The following ECHDC1 variants were observed in gnomAD, a reference collection of about 807,000 sequenced individuals.
ECHDC1 encodes the protein ethylmalonyl-CoA decarboxylase.
In ECHDC1, 29 loss-of-function variants were observed where a neutral mutation model predicts 29.7. The observed-to-expected ratio is 0.98, with a 90% CI of 0.73 to 1.33. The LOEUF (loss-of-function observed/expected upper bound fraction) is 1.33. ECHDC1 is among the 40% of genes most tolerant of loss of function. The probability of loss-of-function intolerance (pLI) is 0.00; values close to 1 mark genes in which losing one functional copy is unlikely to be tolerated. For missense variants in ECHDC1, 328 were observed against 350.0 expected (o/e 0.94, Z 0.50); for synonymous variants, 126 against 123.1 (o/e 1.02, Z -0.15).
chr6:127,330,758 T>C (rs1188030445), intron 2 of ECHDC1, 51 bp downstream of exon 2: 4 of 1,503,328 alleles, frequency 2.7e-6, no homozygotes, highest in East Asian at 2.3e-5. Context: ...AAACTTGTGA[T>C]AACAGTTTAG....
intron 3 of ECHDC1, among the ~76,000 whole-genome samples, chr6:127,318,466 A>G (rs534194502): frequency 6.6e-6 from 1 of 152,368 alleles, no homozygotes; most frequent in Admixed American, 6.5e-5. Context: ...CATCATCTCT[A>G]CAAGATGGGG....
chr6:127,326,599 A>G (rs1287478973), intron 3 of ECHDC1: 6 of 405,868 alleles, frequency 1.5e-5, no homozygotes, highest in Non-Finnish European at 3.0e-5. Context: ...TTATTCTAAA[A>G]TTAAAAATAT....
At chr6:127,303,554 T>C (rs993707471) in intron 5 of ECHDC1, among the ~76,000 whole-genome samples, 1 of 152,194 alleles carries the variant, frequency 6.6e-6, no homozygotes, top group Non-Finnish European at 1.5e-5. Flanking sequence ...GTAAGGAAGC[T>C]GCAGAAGAAA....
intron 4 of ECHDC1, chr6:127,316,153 C>A (rs1782353484): frequency 4.3e-6 from 2 of 463,854 alleles, no homozygotes; most frequent in African/African-American, 4.0e-5. Flanking sequence ...GCTCTAATAC[C>A]AGTATTTAAC....
At chr6:127,290,361 G>GAA in intron 5 of ECHDC1, 84 bp from the exon 6 acceptor site, 2 of 1,373,430 alleles carry the variant, frequency 1.5e-6, no homozygotes, top group South Asian at 2.9e-5. Context: ...GATCTGATGT[G>GAA]AATTCTCCAT....
chr6:127,293,191 A>C (rs1344850084), intron 5 of ECHDC1, among the ~76,000 whole-genome samples: 5 of 152,168 alleles, frequency 3.3e-5, no homozygotes, highest in Non-Finnish European at 5.9e-5. Context: ...CTTAAGTTTC[A>C]GGTCTTGAAC....
intron 5 of ECHDC1, among the ~76,000 whole-genome samples, chr6:127,314,311 G>A (rs1330608276): frequency 2.0e-5 from 3 of 152,040 alleles, no homozygotes; most frequent in African/African-American, 4.8e-5. Context: ...AGAGCTATTG[G>A]TCCCAAAGAA....
At chr6:127,291,907 C>A (rs1780227497) in intron 5 of ECHDC1, among the ~76,000 whole-genome samples, 1 of 151,736 alleles carries the variant, frequency 6.6e-6, no homozygotes, top group South Asian at 2.1e-4. Context: ...TAATAGTTTT[C>A]AAGAAATAAT....
chr6:127,330,234 T>C lies in ECHDC1; in HGVS notation c.220+575A>G, dbSNP rs143652487. Among the ~76,000 whole-genome samples the C allele has an allele frequency of 1.9e-4, 29 of 152,290 alleles. No homozygotes were observed. The East Asian group carries it at 5.6e-3, about 29-fold the overall frequency. ...GTCCTGCATCTTCAGTTCTCTTAAA[T>C]ATAAAATTCTTATATGCTAAGAGTG... On this transcript the variant is annotated intron_variant, in intron 2 of 5. Transcript: ENST00000454859.
intron 5 of ECHDC1, among the ~76,000 whole-genome samples, chr6:127,297,557 A>G (rs1023701780): frequency 6.6e-5 from 10 of 152,194 alleles, no homozygotes; most frequent in Non-Finnish European, 1.2e-4. Context: ...TAAGAAAGCA[A>G]GGCCCAACAG....
intron 5 of ECHDC1, among the ~76,000 whole-genome samples, chr6:127,290,913 T>C (rs1582918879): frequency 1.3e-5 from 2 of 152,022 alleles, no homozygotes; most frequent in Admixed American, 1.3e-4. Context: ...ATTGAGGATA[T>C]GTGTGCTGGG....
chr6:127,298,958 C>T (rs186331376), intron 5 of ECHDC1, among the ~76,000 whole-genome samples: 323 of 152,030 alleles, frequency 2.1e-3, no homozygotes, highest in African/African-American at 7.6e-3. Flanking sequence ...TCAATGCAGC[C>T]TTGACCTCCT....
At chr6:127,319,277 C>G (rs1373857628) in intron 3 of ECHDC1, among the ~76,000 whole-genome samples, 2 of 152,210 alleles carry the variant, frequency 1.3e-5, no homozygotes, top group Non-Finnish European at 2.9e-5. Flanking sequence ...TGCTTAACCT[C>G]TCTGTCCTAC....
At position 127,332,039 on chromosome 6, in the gene ECHDC1, TATATAAA is replaced by T. The variant is rs138354489; in HGVS notation, c.-2-1016_-2-1010del. Among the ~76,000 whole-genome samples the T allele has an allele frequency of 2.8e-3, 434 of 152,302 alleles. 3 individuals carry two copies. Among genetic ancestry groups the T allele is most frequent in the Non-Finnish European group, 5.2e-3 (351 of 68,024 alleles). On this transcript the variant is annotated intron_variant, in intron 1 of 5. Transcript: ENST00000454859. ...TGATATAAGATTATATGCAAAAAAG[TATATAAA>T]ATATAAGTTACAGTTCAATGAATTT...
intron 5 of ECHDC1, 146 bp downstream of exon 5, chr6:127,314,670 T>C: frequency 1.6e-6 from 1 of 629,892 alleles, no homozygotes; most frequent in South Asian, 2.6e-5. Context: ...AATTATCTAC[T>C]TTAATGACTG....
intron 5 of ECHDC1, among the ~76,000 whole-genome samples, chr6:127,301,919 T>A (rs1349808363): frequency 1.3e-5 from 2 of 152,020 alleles, no homozygotes; most frequent in Non-Finnish European, 2.9e-5. Flanking sequence ...CACATGTGGG[T>A]GCTGAAATAT....
intron 1 of ECHDC1, among the ~76,000 whole-genome samples, chr6:127,337,768 A>G (rs1043353088): frequency 6.6e-6 from 1 of 152,180 alleles, no homozygotes. Flanking sequence ...ATCTCCATTC[A>G]TAATCATAAC....
At chr6:127,299,533 T>A (rs1780892759) in intron 5 of ECHDC1, among the ~76,000 whole-genome samples, 1 of 151,924 alleles carries the variant, frequency 6.6e-6, no homozygotes, top group Admixed American at 6.6e-5. Context: ...AAGAAAATAC[T>A]TTCGTTCAGC....
In ECHDC1 at chr6:127,289,670, A is replaced by G. The variant is rs1779945050; in HGVS notation, c.*199T>C. ...AGTGTATATTTTAGCTAAATGTTCC[A>G]GATTACGCAGTAAATACCCAAGTGA... On this transcript the variant is annotated 3_prime_UTR_variant, in exon 6 of 6. Coordinates refer to ENST00000454859, the MANE Select transcript of ECHDC1 (RefSeq NM_001002030.2). The G allele has an allele frequency of 1.9e-6, 1 of 534,466 alleles. No homozygotes were observed. Among genetic ancestry groups the G allele is most frequent in the Non-Finnish European group, 3.2e-6 (1 of 316,534 alleles). The allele number at this position is 534,466 out of a possible 1,614,324, so 33.1% of individuals were successfully genotyped here. A position where few individuals can be genotyped will look rare whatever the true frequency, so the allele number is the denominator to read the frequency against.
Sources: allele counts gnomAD v4.1 joint callset (sites outside exome capture counted in the v4.1 genomes callset), GRCh38; gene constraint gnomAD v4.1.1; transcripts MANE v1.5; gene names NCBI Gene and HGNC (gene_info 2026-07-23, HGNC 2026-07-21).